Variants in OR4N2 observed in about 807,000 individuals in gnomAD.
The protein encoded by OR4N2 is olfactory receptor 4N2.
For synonymous variants in OR4N2, 141 were observed against 140.4 expected (o/e 1.00, Z -0.03); for missense variants, 307 against 377.6 (o/e 0.81, Z 1.55).
In OR4N2 at chr14:19,828,156, C is replaced by A; in HGVS notation, c.708C>A (p.Ala236=). Residue 236 remains alanine, a synonymous_variant, in exon 2 of 2, where the codon GCC becomes GCA. Transcript: ENST00000557677. ...RGSSSEAKNK[A]MSTCITHIIV... ...CTTCTTCTGAGGCAAAAAACAAGGCCATGTCCACGTGCATCACCCATATCA... is the reference window on the plus strand; with the variant it reads ...CTTCTTCTGAGGCAAAAAACAAGGCAATGTCCACGTGCATCACCCATATCA... 6.2e-7 allele frequency: 1 copy of A among 1,614,268 alleles called. No individual in the cohort carries two copies. Among genetic ancestry groups the A allele is most frequent in the Non-Finnish European group, 8.5e-7 (1 of 1,180,048 alleles).
At chr14:19,815,301 G>T (rs1447133675) in intron 1 of OR4N2, among the ~76,000 whole-genome samples, 3 of 152,218 alleles carry the variant, frequency 2.0e-5, no homozygotes, top group Non-Finnish European at 4.4e-5. Context: ...GTGTAAAAGC[G>T]TTCCTATTTC....
chr14:19,808,577 C>A (rs1262044801), intron 1 of OR4N2, among the ~76,000 whole-genome samples: 1 of 152,088 alleles, frequency 6.6e-6, no homozygotes, highest in Admixed American at 6.6e-5. Context: ...TCAGAGATGA[C>A]AGAAATGAAT....
intron 1 of OR4N2, among the ~76,000 whole-genome samples, chr14:19,815,651 T>A (rs113466648): frequency 2.4e-5 from 3 of 126,116 alleles, no homozygotes; most frequent in Non-Finnish European, 5.5e-5. Context: ...AGAGGTTTTT[T>A]TTTGTTTTTT....
intron 1 of OR4N2, among the ~76,000 whole-genome samples, chr14:19,804,503 CT>C (rs1357312088): frequency 6.6e-6 from 1 of 151,834 alleles, no homozygotes; most frequent in African/African-American, 2.4e-5. Context: ...TTCACATATG[CT>C]TTTGATGTAT....
chr14:19,821,726 C>G (rs570782444), intron 1 of OR4N2, among the ~76,000 whole-genome samples: 1 of 152,356 alleles, frequency 6.6e-6, no homozygotes, highest in South Asian at 2.1e-4. Flanking sequence ...TTAGTTCTTG[C>G]AAACTCTGGT....
At chr14:19,807,388 A>G (rs1477311231) in intron 1 of OR4N2, among the ~76,000 whole-genome samples, 1 of 152,102 alleles carries the variant, frequency 6.6e-6, no homozygotes, top group Non-Finnish European at 1.5e-5. Flanking sequence ...ACAATCAGAA[A>G]TAAAAATGAT....
chr14:19,811,479 C>T (rs574525204), intron 1 of OR4N2, among the ~76,000 whole-genome samples: 2 of 152,328 alleles, frequency 1.3e-5, no homozygotes, highest in Non-Finnish European at 2.9e-5. Context: ...ATCTCCTGAC[C>T]TCGTGATCCG....
rs367694096 is a variant in OR4N2 at position 19,828,388 on chromosome 14, A to G, written c.*16A>G. ...CATAGCCTGAAAAAGGGCGCAAAAA[A>G]AAAAAGAATAAAAATAGACTGTAGA... On this transcript the variant is annotated 3_prime_UTR_variant, in exon 2 of 2. Transcript: ENST00000557677. 35 of 1,563,758 alleles carry G rather than the reference A, an allele frequency of 2.2e-5. No homozygotes were observed. In the Middle Eastern group the frequency reaches 8.6e-4, roughly 38 times the overall value.
intron 1 of OR4N2, among the ~76,000 whole-genome samples, chr14:19,817,470 T>C (rs1162856711): frequency 6.6e-6 from 1 of 152,266 alleles, no homozygotes. Flanking sequence ...TTTTCTAGTT[T>C]ATTTGTGTAG....
In OR4N2 at chr14:19,827,468, C is replaced by T. The variant is rs72663752; in HGVS notation, c.20C>T (p.Thr7Ile). The T allele has an allele frequency of 1.3e-6, 2 of 1,598,626 alleles. No homozygotes were observed. Among genetic ancestry groups the T allele is most frequent in the East Asian group, 2.2e-5 (1 of 44,860 alleles). The change falls in exon 2 of 2, where the codon ACA becomes ATA. Residue 7 changes from threonine to isoleucine, a missense_variant. Physicochemically the swap from Thr to Ile is moderately conservative, Grantham distance 89. Coordinates refer to ENST00000557677, the MANE Select transcript of OR4N2 (RefSeq NM_001004723.3). MESENR[T>I]VIREFILLGL... is the part of the protein sequence containing the mutation. ...AGGGAAATGGAAAGCGAGAACAGAA[C>T]AGTGATAAGAGAATTCATCCTCCTT... is the stretch of plus-strand genomic sequence containing the variant.
chr14:19,823,192 A>G (rs1879608660), intron 1 of OR4N2, among the ~76,000 whole-genome samples: 1 of 152,262 alleles, frequency 6.6e-6, no homozygotes, highest in Admixed American at 6.5e-5. Flanking sequence ...CAAATAATTT[A>G]CTAACCTTGC....
chr14:19,811,385 T>C (rs979987755), intron 1 of OR4N2, among the ~76,000 whole-genome samples: 3 of 152,222 alleles, frequency 2.0e-5, no homozygotes, highest in Non-Finnish European at 2.9e-5. Flanking sequence ...TAGCTGATAC[T>C]ACAGGCGCCC....
chr14:19,812,106 A>C (rs749092789), intron 1 of OR4N2, among the ~76,000 whole-genome samples: 1 of 152,234 alleles, frequency 6.6e-6, no homozygotes, highest in Non-Finnish European at 1.5e-5. Context: ...AACATTTAAA[A>C]ACCAAATCTT....
At position 19,829,947 on chromosome 14, in the gene OR4N2, G is replaced by C. The variant is rs1879825325; in HGVS notation, c.*1575G>C. On this transcript the variant is annotated 3_prime_UTR_variant, in exon 2 of 2. Transcript: ENST00000557677. ...TTTTAGTGAGAAAGGTAGCAGGTGA[G>C]AATTCCTTAATCTCCCATCACTACC... 2.0e-5 allele frequency: 3 copies of C among 152,248 alleles called. No individual in the cohort carries two copies. The highest frequency in any genetic ancestry group is 4.4e-5 in the Non-Finnish European group (3 of 68,066). The allele number at this position is 152,248 out of a possible 1,614,324, so 9.4% of individuals were successfully genotyped here.
intron 1 of OR4N2, among the ~76,000 whole-genome samples, chr14:19,810,456 A>T (rs1394335768): frequency 1.3e-5 from 2 of 152,266 alleles, no homozygotes; most frequent in African/African-American, 2.4e-5. Context: ...TTAAAAGGGA[A>T]TTATCATTTA....
chr14:19,825,485 GAAAT>G (rs202214443), intron 1 of OR4N2, among the ~76,000 whole-genome samples: 40,225 of 145,690 alleles, frequency 0.28, 2,850 homozygotes, highest in African/African-American at 0.32. Context: ...TTCTGTCAAA[GAAAT>G]ATTTTCCCTT....
intron 1 of OR4N2, among the ~76,000 whole-genome samples, chr14:19,809,133 A>G (rs1293244246): frequency 6.6e-6 from 1 of 152,042 alleles, no homozygotes; most frequent in Non-Finnish European, 1.5e-5. Flanking sequence ...TGGTGCTGGG[A>G]TAACTGGCTA....
chr14:19,806,279 G>C (rs1879162777), intron 1 of OR4N2, among the ~76,000 whole-genome samples: 1 of 152,152 alleles, frequency 6.6e-6, no homozygotes, highest in African/African-American at 2.4e-5. Context: ...GCATAGAGTG[G>C]TAAGTTGGAT....
Position 19,830,081 on chromosome 14 carries a change from A to G in OR4N2, c.*1709A>G, listed in dbSNP as rs1879829526. The G allele has an allele frequency of 6.5e-6, 1 of 152,700 alleles. No homozygotes were observed. The highest frequency in any genetic ancestry group is 1.9e-4 in the East Asian group (1 of 5,202). 9.5% of individuals were successfully genotyped at this position (152,700 alleles called of 1,614,324 possible). ...CCCTTCCACCTGTGCACCAGATTCCATCCCCCTCCTCTCTACTAAAGGCAA... is the reference window on the plus strand; with the variant it reads ...CCCTTCCACCTGTGCACCAGATTCCGTCCCCCTCCTCTCTACTAAAGGCAA... On this transcript the variant is annotated 3_prime_UTR_variant, in exon 2 of 2. Coordinates refer to ENST00000557677, the MANE Select transcript of OR4N2 (RefSeq NM_001004723.3).
Sources: gnomAD v4.1 joint callset for allele counts (sites outside exome capture counted in the v4.1 genomes callset) on GRCh38, gnomAD v4.1.1 for gene constraint, MANE v1.5 for transcripts, NCBI Gene and HGNC (gene_info 2026-07-23, HGNC 2026-07-21) for gene names.